Variants in RALY observed in about 807,000 individuals in gnomAD.
The protein encoded by RALY is RNA-binding protein Raly.
Under a neutral mutation model 30.7 loss-of-function variants are expected in RALY, and 15 were observed. That is an observed-to-expected ratio of 0.49 (90% CI 0.33 to 0.75). The LOEUF (loss-of-function observed/expected upper bound fraction) is 0.75. Ranked by LOEUF, RALY falls within the 30% of genes least tolerant of loss-of-function variation. RALY has a pLI of 0.02. For synonymous variants in RALY, 177 were observed against 170.8 expected, an observed-to-expected ratio of 1.04 and a Z score of -0.28; for missense variants, 339 against 414.3, an observed-to-expected ratio of 0.82 and a Z score of 1.58.
chr20:34,047,438 A>ATT (rs1307559636), intron 2 of RALY, among the ~76,000 whole-genome samples: 1 of 152,150 alleles, frequency 6.6e-6, no homozygotes, highest in African/African-American at 2.4e-5. Flanking sequence ...GCTCCATTGA[A>ATT]TGGAAGGACT....
intron 5 of RALY, among the ~76,000 whole-genome samples, chr20:34,075,550 ATGTAATAGAGCAGGCC>A (rs2033850663): frequency 6.6e-6 from 1 of 151,988 alleles, no homozygotes; most frequent in Admixed American, 6.6e-5. Context: ...AAGCCAGGTC[ATGTAATAGAGCAGGCC>A]TGGGTGCCAG....
intron 2 of RALY, among the ~76,000 whole-genome samples, chr20:34,033,741 T>G (rs886475899): frequency 2.6e-5 from 4 of 151,846 alleles, no homozygotes; most frequent in Non-Finnish European, 5.9e-5. Flanking sequence ...TTTGGAGGAG[T>G]CCACCATCCA....
chr20:34,001,661 A>T (rs985399125), intron 1 of RALY, among the ~76,000 whole-genome samples: 6 of 152,218 alleles, frequency 3.9e-5, no homozygotes, highest in Non-Finnish European at 5.9e-5. Flanking sequence ...TGTTAGTGAA[A>T]GCAAGCCCAG....
At chr20:34,015,497 A>G (rs1281960044) in intron 1 of RALY, among the ~76,000 whole-genome samples, 1 of 152,112 alleles carries the variant, frequency 6.6e-6, no homozygotes, top group African/African-American at 2.4e-5. Flanking sequence ...TACAATGTTT[A>G]ACTCCAAATA....
intron 3 of RALY, among the ~76,000 whole-genome samples, chr20:34,073,014 G>C (rs2122295304): frequency 6.6e-6 from 1 of 151,960 alleles, no homozygotes; most frequent in East Asian, 1.9e-4. Flanking sequence ...TCATTTACCA[G>C]GTATTTATTG....
intron 2 of RALY, among the ~76,000 whole-genome samples, chr20:34,040,071 A>G (rs529680983): frequency 2.6e-5 from 4 of 151,866 alleles, no homozygotes; most frequent in Non-Finnish European, 5.9e-5. Flanking sequence ...AGATCCCACC[A>G]CTGCACTCCA....
chr20:34,028,271 G>A (rs2032120748), intron 1 of RALY, among the ~76,000 whole-genome samples: 1 of 149,400 alleles, frequency 6.7e-6, no homozygotes, highest in Non-Finnish European at 1.5e-5. Flanking sequence ...GGGCAACAGA[G>A]CAAGACCCTA....
chr20:34,041,818 C>T (rs1239486693), intron 2 of RALY, among the ~76,000 whole-genome samples: 2 of 152,220 alleles, frequency 1.3e-5, no homozygotes, highest in Admixed American at 6.5e-5. Flanking sequence ...CAGAACAGAG[C>T]TTCTGGCTGG....
chr20:34,074,201 T>C (rs2033810633), intron 5 of RALY, among the ~76,000 whole-genome samples: 1 of 152,106 alleles, frequency 6.6e-6, no homozygotes, highest in African/African-American at 2.4e-5. Context: ...TTGCAGGGAG[T>C]TTGAGCCCTT....
intron 2 of RALY, among the ~76,000 whole-genome samples, chr20:34,037,066 A>G (rs1203288303): frequency 2.0e-5 from 3 of 152,202 alleles, no homozygotes; most frequent in Admixed American, 6.5e-5. Context: ...CAAACCAAAC[A>G]ATTCTTCAGG....
At chr20:34,078,396 T>C (rs1434973385) in intron 8 of RALY, 109 bp from the exon 9 acceptor site, 6 of 934,950 alleles carry the variant, frequency 6.4e-6, no homozygotes, top group Non-Finnish European at 9.0e-6. Flanking sequence ...TCTGACTGTG[T>C]CCTCTAGATG....
intron 1 of RALY, among the ~76,000 whole-genome samples, chr20:34,021,872 T>TA (rs910267227): frequency 1.3e-5 from 2 of 151,402 alleles, no homozygotes; most frequent in South Asian, 2.1e-4. Flanking sequence ...TTTTTATTAT[T>TA]AAAAAAATTT....
intron 1 of RALY, among the ~76,000 whole-genome samples, chr20:34,014,387 AT>A (rs773621197): frequency 3.0e-4 from 45 of 152,182 alleles, no homozygotes; most frequent in Non-Finnish European, 6.2e-4. Flanking sequence ...ATGAAAGAGC[AT>A]TTATCATTTG....
intron 2 of RALY, among the ~76,000 whole-genome samples, chr20:34,053,111 C>T (rs925215359): frequency 5.3e-5 from 8 of 152,078 alleles, no homozygotes; most frequent in Admixed American, 3.9e-4. Flanking sequence ...CCGCCTGCCT[C>T]GGCCTCCCAA....
chr20:34,060,872 G>A lies in RALY; in HGVS notation c.-9-11194G>A, dbSNP rs74988694. The stretch of plus-strand genomic sequence containing the variant: ...TGTACACTGATGAAAATTTGACGAC[G>A]CACATGGAAGATTGAAGGTGCACTA... On this transcript the variant is annotated intron_variant, in intron 2 of 9. Transcript: ENST00000246194. Among the ~76,000 whole-genome samples the A allele has an allele frequency of 3.0e-3, 461 of 152,272 alleles. 3 individuals are homozygous for A. Among genetic ancestry groups the A allele is most frequent in the Admixed American group, 6.1e-3 (94 of 15,300 alleles).
intron 2 of RALY, among the ~76,000 whole-genome samples, chr20:34,064,697 C>G (rs1173248989): frequency 6.6e-6 from 1 of 152,216 alleles, no homozygotes; most frequent in Admixed American, 6.5e-5. Context: ...AACATACCAT[C>G]TTAGGGCTGG....
intron 9 of RALY, among the ~76,000 whole-genome samples, 176 bp from the exon 10 acceptor site, chr20:34,079,734 A>T (rs1239848048): frequency 6.6e-6 from 1 of 152,132 alleles, no homozygotes; most frequent in Non-Finnish European, 1.5e-5. Context: ...AGGTTCAGAG[A>T]GCGGGTGAGA....
intron 2 of RALY, among the ~76,000 whole-genome samples, chr20:34,039,820 G>A (rs1378626005): frequency 6.6e-6 from 1 of 152,130 alleles, no homozygotes; most frequent in Non-Finnish European, 1.5e-5. Context: ...TCATTTAAAA[G>A]TGCAATAATG....
intron 2 of RALY, among the ~76,000 whole-genome samples, chr20:34,033,514 G>C (rs552181014): frequency 1.3e-5 from 2 of 152,186 alleles, no homozygotes; most frequent in Admixed American, 1.3e-4. Context: ...GGGAACTGCT[G>C]TGGGTAGAAA....
Sources: gnomAD v4.1 joint callset for allele counts (sites outside exome capture counted in the v4.1 genomes callset) on GRCh38, gnomAD v4.1.1 for gene constraint, MANE v1.5 for transcripts, NCBI Gene and HGNC (gene_info 2026-07-23, HGNC 2026-07-21) for gene names.